The following CNTNAP2 variants were observed in gnomAD, a reference collection of about 807,000 sequenced individuals.
CNTNAP2 encodes contactin-associated protein-like 2.
Under a neutral mutation model 155.2 loss-of-function variants are expected in CNTNAP2, and 98 were observed. That is an observed-to-expected ratio of 0.63 (90% confidence interval 0.54 to 0.75). The LOEUF is 0.75. Among genes scored for constraint, CNTNAP2 ranks in the 30% least tolerant of loss-of-function variants. The pLI is 0.00. For missense variants in CNTNAP2, 1,727 were observed against 1,688.1 expected, an observed-to-expected ratio of 1.02 and a Z score of -0.40; for synonymous variants, 651 against 631.2, an observed-to-expected ratio of 1.03 and a Z score of -0.47.
intron 1 of CNTNAP2, among the ~76,000 whole-genome samples, chr7:146,142,157 G>C (rs1797890441): frequency 6.6e-6 from 1 of 152,156 alleles, no homozygotes; most frequent in African/African-American, 2.4e-5. Flanking sequence ...CTCTTAATAA[G>C]AGCAGGCCTG....
intron 7 of CNTNAP2, among the ~76,000 whole-genome samples, chr7:147,130,649 G>A (rs1430259480): frequency 1.3e-5 from 2 of 152,110 alleles, no homozygotes; most frequent in Admixed American, 6.6e-5. Flanking sequence ...ACCCTGCAAA[G>A]ACAAGTGTTT....
intron 1 of CNTNAP2, among the ~76,000 whole-genome samples, chr7:146,242,942 A>C (rs1799587359): frequency 6.6e-6 from 1 of 152,128 alleles, no homozygotes; most frequent in Non-Finnish European, 1.5e-5. Context: ...AATCTACACA[A>C]ATATTTTTAA....
chr7:146,171,025 T>A (rs1342838154), intron 1 of CNTNAP2, among the ~76,000 whole-genome samples: 1 of 147,170 alleles, frequency 6.8e-6, no homozygotes, highest in Non-Finnish European at 1.5e-5. Context: ...AGACTCCGTC[T>A]AAAAATAAAT....
chr7:146,893,575 A>G (rs376970920), intron 3 of CNTNAP2, among the ~76,000 whole-genome samples: 7 of 152,084 alleles, frequency 4.6e-5, no homozygotes, highest in African/African-American at 1.7e-4. Flanking sequence ...TAAGAAAAAG[A>G]TATTCTAAGT....
chr7:147,750,759 C>T (rs962388071), intron 13 of CNTNAP2, among the ~76,000 whole-genome samples: 1 of 152,170 alleles, frequency 6.6e-6, no homozygotes, highest in African/African-American at 2.4e-5. Context: ...CAGGCTTTGG[C>T]TGGGTGCGGC....
chr7:146,410,923 C>T (rs116707345), intron 1 of CNTNAP2, among the ~76,000 whole-genome samples: 216 of 152,240 alleles, frequency 1.4e-3, no homozygotes, highest in African/African-American at 4.9e-3. Flanking sequence ...GGTTTATCCA[C>T]GTGTTTGCAA....
intron 8 of CNTNAP2, among the ~76,000 whole-genome samples, chr7:147,162,988 C>T (rs1377071741): frequency 6.6e-6 from 1 of 152,118 alleles, no homozygotes; most frequent in Non-Finnish European, 1.5e-5. Context: ...GAGTGCTCTT[C>T]TCGTGGCGAT....
chr7:146,159,574 A>G (rs1798183877), intron 1 of CNTNAP2, among the ~76,000 whole-genome samples: 1 of 152,116 alleles, frequency 6.6e-6, no homozygotes, highest in Admixed American at 6.5e-5. Context: ...AAACAAAAAA[A>G]AGCAGGGGTT....
chr7:146,634,527 TAAAG>T (rs1030018545), intron 1 of CNTNAP2, among the ~76,000 whole-genome samples: 3 of 152,288 alleles, frequency 2.0e-5, no homozygotes, highest in South Asian at 2.1e-4. Flanking sequence ...TATAAACAAA[TAAAG>T]AAATTAACTG....
At chr7:146,246,997 A>T (rs1362023814) in intron 1 of CNTNAP2, among the ~76,000 whole-genome samples, 1 of 152,176 alleles carries the variant, frequency 6.6e-6, no homozygotes, top group Non-Finnish European at 1.5e-5. Flanking sequence ...GTTGAAGGCG[A>T]GGTTAATTAA....
At position 146,221,347 on chromosome 7, in the gene CNTNAP2, C is replaced by T. The variant is rs575380580; in HGVS notation, c.97+104374C>T. On this transcript the variant is annotated intron_variant, in intron 1 of 23. Transcript: ENST00000361727. ...TACTGAATTTATACAGAAGGATATA[C>T]GTATAAATATACGTTTAAATATACT... Among the ~76,000 whole-genome samples the T allele has an allele frequency of 4.6e-5, 7 of 151,370 alleles. No individual in the cohort carries two copies. In the East Asian group the frequency reaches 9.7e-4, roughly 21 times the overall value.
intron 13 of CNTNAP2, among the ~76,000 whole-genome samples, chr7:147,890,747 A>T (rs1468645316): frequency 6.6e-6 from 1 of 152,210 alleles, no homozygotes; most frequent in Admixed American, 6.5e-5. Flanking sequence ...TGGAATTTTT[A>T]AAAGTTGCAC....
intron 18 of CNTNAP2, chr7:148,190,801 A>G (rs1250084036): frequency 1.3e-5 from 2 of 151,892 alleles, no homozygotes; most frequent in African/African-American, 4.8e-5. Context: ...AATACTGGAG[A>G]ACCCAGAGTT....
chr7:146,406,360 A>T (rs947521116), intron 1 of CNTNAP2, among the ~76,000 whole-genome samples: 1 of 152,216 alleles, frequency 6.6e-6, no homozygotes, highest in Non-Finnish European at 1.5e-5. Context: ...TGCACATTTA[A>T]TGATAAACCA....
chr7:147,455,499 T>C (rs1039809068), intron 10 of CNTNAP2, among the ~76,000 whole-genome samples: 11 of 152,108 alleles, frequency 7.2e-5, no homozygotes, highest in African/African-American at 2.4e-4. Flanking sequence ...AAGATGTACA[T>C]CTACATTTCT....
chr7:148,126,628 G>C (rs988117045), intron 16 of CNTNAP2, among the ~76,000 whole-genome samples: 1 of 152,180 alleles, frequency 6.6e-6, no homozygotes, highest in Non-Finnish European at 1.5e-5. Context: ...GAGTAGTGTT[G>C]GTTGGTCACC....
chr7:148,002,855 A>G (rs1801920870), intron 15 of CNTNAP2, among the ~76,000 whole-genome samples: 1 of 152,168 alleles, frequency 6.6e-6, no homozygotes, highest in South Asian at 2.1e-4. Context: ...TGTTACCGGT[A>G]CACTTGTTAT....
intron 13 of CNTNAP2, among the ~76,000 whole-genome samples, chr7:147,643,860 T>G (rs13437647): frequency 0.058 from 8,789 of 152,260 alleles, 703 homozygotes; most frequent in Admixed American, 0.16. Flanking sequence ...ATAAATATTC[T>G]TTTATACCAT....
intron 1 of CNTNAP2, among the ~76,000 whole-genome samples, chr7:146,213,324 CT>C (rs1239384451): frequency 6.6e-6 from 1 of 152,128 alleles, no homozygotes; most frequent in African/African-American, 2.4e-5. Flanking sequence ...GAAGCCTTGG[CT>C]ATTGATCAAC....
Sources: allele counts gnomAD v4.1 joint callset (sites outside exome capture counted in the v4.1 genomes callset), GRCh38; gene constraint gnomAD v4.1.1; transcripts MANE v1.5; gene names NCBI Gene and HGNC (gene_info 2026-07-23, HGNC 2026-07-21).